Variants in CPEB3 observed in about 807,000 individuals in gnomAD.
CPEB3 encodes cytoplasmic polyadenylation element-binding protein 3.
Under a neutral mutation model 67.2 loss-of-function variants are expected in CPEB3, and 20 were observed. That is an observed-to-expected ratio of 0.30 (90% CI 0.21 to 0.43). CPEB3 has a LOEUF of 0.43. Ranked by LOEUF, CPEB3 falls within the 20% of genes least tolerant of loss-of-function variation. The pLI is 1.00. For synonymous variants in CPEB3, 376 were observed against 393.1 expected (o/e 0.96, Z 0.51); for missense variants, 746 against 968.6 (o/e 0.77, Z 3.05).
In CPEB3 at chr10:92,047,907, A is replaced by G. The variant is rs1258410853; in HGVS notation, c.*4305T>C. The G allele has an allele frequency of 6.6e-6, 1 of 152,236 alleles. No individual in the cohort carries two copies. Among genetic ancestry groups the G allele is most frequent in the Non-Finnish European group, 1.5e-5 (1 of 68,044 alleles). The allele number at this position is 152,236 out of a possible 1,614,324, so 9.4% of individuals were successfully genotyped here. On this transcript the variant is annotated 3_prime_UTR_variant, in exon 10 of 10. Transcript: ENST00000265997. ...TTGGCTGTTCTGTTTACGCAACACC[A>G]GTTTTGCAGTTGTAGTTTTTGCTTT...
At chr10:92,052,697 T>C (rs747929985) in intron 9 of CPEB3, among the ~76,000 whole-genome samples, 2 of 152,206 alleles carry the variant, frequency 1.3e-5, no homozygotes, top group Non-Finnish European at 2.9e-5. Flanking sequence ...ATGGGTATGT[T>C]TACACACACA....
chr10:92,128,723 C>A (rs1476850410), intron 6 of CPEB3, among the ~76,000 whole-genome samples: 26 of 152,110 alleles, frequency 1.7e-4, no homozygotes, highest in Admixed American at 1.7e-3. Flanking sequence ...GACACACATG[C>A]AGCCAACAAA....
intron 4 of CPEB3, among the ~76,000 whole-genome samples, chr10:92,153,140 A>T (rs1378521157): frequency 6.6e-6 from 1 of 152,224 alleles, no homozygotes; most frequent in Non-Finnish European, 1.5e-5. Context: ...TTCTAGAATC[A>T]TCCATACCTT....
chr10:92,128,831 G>A (rs1289431683), intron 6 of CPEB3, among the ~76,000 whole-genome samples: 1 of 152,090 alleles, frequency 6.6e-6, no homozygotes, highest in East Asian at 1.9e-4. Flanking sequence ...TTACTAAAAA[G>A]TCAAAAAATA....
At chr10:92,203,728 G>T (rs529865591) in intron 2 of CPEB3, among the ~76,000 whole-genome samples, 2 of 151,822 alleles carry the variant, frequency 1.3e-5, no homozygotes, top group African/African-American at 4.8e-5. Context: ...TCGATTTTTT[G>T]AGCTGAAGGA....
At chr10:92,248,865 T>C (rs941760977) in intron 1 of CPEB3, among the ~76,000 whole-genome samples, 2 of 152,192 alleles carry the variant, frequency 1.3e-5, no homozygotes, top group Admixed American at 1.3e-4. Flanking sequence ...AACATTGACA[T>C]AACTGACCAC....
Position 92,052,023 on chromosome 10 carries a change from A to G in CPEB3, c.*189T>C. 1 of 562,400 alleles carries G rather than the reference A, an allele frequency of 1.8e-6. No individual in the cohort carries two copies. The allele number at this position is 562,400 out of a possible 1,614,324, so 34.8% of individuals were successfully genotyped here. ...ACCATTCTACACTCTGCAATTCTGC[A>G]TTATACTGGACACTGAGTTCAGTAA... On this transcript the variant is annotated 3_prime_UTR_variant, in exon 10 of 10. Coordinates refer to ENST00000265997, the MANE Select transcript of CPEB3 (RefSeq NM_014912.5).
At chr10:92,162,170 TA>T (rs1272970213) in intron 4 of CPEB3, among the ~76,000 whole-genome samples, 2 of 152,110 alleles carry the variant, frequency 1.3e-5, no homozygotes, top group Non-Finnish European at 2.9e-5. Context: ...AGAATCTTTT[TA>T]CTGTTTCATA....
At position 92,175,607 on chromosome 10, in the gene CPEB3, A is replaced by T. The variant is rs73316073; in HGVS notation, c.1222+5356T>A. On this transcript the variant is annotated intron_variant, in intron 4 of 9. Coordinates refer to ENST00000265997, the MANE Select transcript of CPEB3 (RefSeq NM_014912.5). ...AAGTGCCAACATCACAAGATATTTA[A>T]CAACTGAGAAAGGCCAGTAGGATCC... Among the ~76,000 whole-genome samples, 5 of 152,212 alleles carry T rather than the reference A, an allele frequency of 3.3e-5. No homozygotes were observed. In the South Asian group the frequency reaches 1.0e-3, roughly 32 times the overall value.
At chr10:92,073,787 CA>C (rs34751982) in intron 9 of CPEB3, among the ~76,000 whole-genome samples, 2 of 151,702 alleles carry the variant, frequency 1.3e-5, no homozygotes, top group Non-Finnish European at 1.5e-5. Flanking sequence ...GAAGGGCGTC[CA>C]AAAAAGACAG....
intron 4 of CPEB3, among the ~76,000 whole-genome samples, chr10:92,177,175 C>T (rs771557447): frequency 5.3e-5 from 8 of 152,162 alleles, no homozygotes; most frequent in Non-Finnish European, 1.2e-4. Flanking sequence ...TAGCAGCCTC[C>T]TTCTCCAATG....
intron 2 of CPEB3, among the ~76,000 whole-genome samples, chr10:92,221,549 C>T (rs1448868060): frequency 6.6e-6 from 1 of 152,198 alleles, no homozygotes; most frequent in Non-Finnish European, 1.5e-5. Context: ...TAAGCATCTA[C>T]TACAGCTGAA....
At chr10:92,203,775 G>A (rs761537618) in intron 2 of CPEB3, among the ~76,000 whole-genome samples, 3 of 151,912 alleles carry the variant, frequency 2.0e-5, no homozygotes, top group Non-Finnish European at 2.9e-5. Context: ...CACTGACTGC[G>A]GCTTGACTTC....
At position 92,290,950 on chromosome 10, in the gene CPEB3, G is replaced by A. The variant is rs542138224; in HGVS notation, c.-36C>T. On this transcript the variant is annotated 5_prime_UTR_variant, in exon 1 of 10. Transcript: ENST00000265997. ...CCTTGTTGCTACCGACAGTGGAGCGGCGCATCCTGCTGCTTCCTGGAAAGC... is the reference window on the plus strand; with the variant it reads ...CCTTGTTGCTACCGACAGTGGAGCGACGCATCCTGCTGCTTCCTGGAAAGC... 1.9e-5 allele frequency: 3 copies of A among 159,932 alleles called. No homozygotes were observed. The highest frequency in any genetic ancestry group is 1.3e-4 in the Admixed American group (2 of 15,364). 9.9% of individuals were successfully genotyped at this position (159,932 alleles called of 1,614,324 possible). A position where few individuals can be genotyped will look rare whatever the true frequency, so the allele number is the denominator to read the frequency against.
At chr10:92,206,205 G>A (rs1303525671) in intron 2 of CPEB3, among the ~76,000 whole-genome samples, 1 of 151,750 alleles carries the variant, frequency 6.6e-6, no homozygotes, top group African/African-American at 2.4e-5. Context: ...CCAAGTAGCT[G>A]GGATTACAGG....
intron 9 of CPEB3, 136 bp downstream of exon 9, chr10:92,081,175 TCAGGCAGCC>T: frequency 1.2e-6 from 1 of 830,554 alleles, no homozygotes. Flanking sequence ...GCTCTCTTTT[TCAGGCAGCC>T]TAGATGAATT....
At chr10:92,101,170 G>C (rs1844167569) in intron 7 of CPEB3, among the ~76,000 whole-genome samples, 2 of 152,042 alleles carry the variant, frequency 1.3e-5, no homozygotes, top group Admixed American at 6.6e-5. Context: ...CAATCAGGTG[G>C]CCAGCTCGGG....
At chr10:92,098,233 T>TA (rs1182339604) in intron 7 of CPEB3, among the ~76,000 whole-genome samples, 1 of 138,074 alleles carries the variant, frequency 7.2e-6, no homozygotes, top group Non-Finnish European at 1.5e-5. Flanking sequence ...ACAGCATTTC[T>TA]AAAATTATTT....
chr10:92,146,106 A>T (rs1452235278), intron 4 of CPEB3, among the ~76,000 whole-genome samples: 1 of 152,228 alleles, frequency 6.6e-6, no homozygotes, highest in Non-Finnish European at 1.5e-5. Context: ...TCACTCAAAA[A>T]ATATACGAAA....
Sources: allele counts gnomAD v4.1 joint callset (sites outside exome capture counted in the v4.1 genomes callset), GRCh38; gene constraint gnomAD v4.1.1; transcripts MANE v1.5; gene names NCBI Gene and HGNC (gene_info 2026-07-23, HGNC 2026-07-21).